NLGN1: variants seen among roughly 807,000 people sequenced by gnomAD.
NLGN1 encodes neuroligin-1.
In NLGN1, 12 loss-of-function variants were observed where a neutral mutation model predicts 65.5. The observed-to-expected ratio is 0.18, with a 90% CI of 0.12 to 0.30. The LOEUF (loss-of-function observed/expected upper bound fraction) is 0.30, where lower values mean the gene tolerates loss of function less well. Among genes scored for constraint, NLGN1 ranks in the 10% least tolerant of loss-of-function variants. The pLI is 1.00. For synonymous variants in NLGN1, 350 were observed against 359.5 expected (o/e 0.97, Z 0.30); for missense variants, 750 against 1,007.1 (o/e 0.74, Z 3.46).
intron 4 of NLGN1, among the ~76,000 whole-genome samples, chr3:173,941,347 A>T (rs1009093977): frequency 1.3e-5 from 2 of 152,096 alleles, no homozygotes; most frequent in African/African-American, 4.8e-5. Flanking sequence ...TGCTTAGCAG[A>T]GTCTTATCAA....
At chr3:173,710,890 G>T (rs1768840360) in intron 3 of NLGN1, among the ~76,000 whole-genome samples, 1 of 152,150 alleles carries the variant, frequency 6.6e-6, no homozygotes, top group Non-Finnish European at 1.5e-5. Flanking sequence ...GGTGACCTGG[G>T]AGTGCATGCT....
chr3:174,119,788 A>G (rs1049609987), intron 4 of NLGN1, among the ~76,000 whole-genome samples: 6 of 152,230 alleles, frequency 3.9e-5, no homozygotes, highest in Admixed American at 3.9e-4. Flanking sequence ...AGTACATCTT[A>G]ATATGTGTTC....
chr3:173,673,970 T>A (rs960679658), intron 3 of NLGN1, among the ~76,000 whole-genome samples: 1 of 152,120 alleles, frequency 6.6e-6, no homozygotes, highest in Non-Finnish European at 1.5e-5. Context: ...GTACGCCCTG[T>A]GTAAATGAAG....
At chr3:174,260,800 G>T (rs1382943087) in intron 4 of NLGN1, among the ~76,000 whole-genome samples, 3 of 150,684 alleles carry the variant, frequency 2.0e-5, no homozygotes, top group Non-Finnish European at 2.9e-5. Flanking sequence ...TTTTCTTCTA[G>T]GGTTTTTATG....
At chr3:173,660,349 C>T (rs981219726) in intron 3 of NLGN1, among the ~76,000 whole-genome samples, 13 of 137,940 alleles carry the variant, frequency 9.4e-5, no homozygotes, top group African/African-American at 3.6e-4. Flanking sequence ...ATGGACCAAT[C>T]ATCTCCTTAT....
intron 4 of NLGN1, among the ~76,000 whole-genome samples, chr3:173,854,878 A>G (rs1208169694): frequency 6.6e-6 from 1 of 152,142 alleles, no homozygotes; most frequent in African/African-American, 2.4e-5. Context: ...AGTTGAACAA[A>G]AAGTGCCAGT....
intron 1 of NLGN1, among the ~76,000 whole-genome samples, chr3:173,430,442 A>G (rs2067487751): frequency 6.6e-6 from 1 of 152,174 alleles, no homozygotes; most frequent in Non-Finnish European, 1.5e-5. Flanking sequence ...GAATTGTCTG[A>G]TATTTCTTCA....
At chr3:174,066,564 C>CTCTCTCTCTCTCTGTGTGTG (rs1553925385) in intron 4 of NLGN1, among the ~76,000 whole-genome samples, 1 of 100,052 alleles carries the variant, frequency 1.0e-5, no homozygotes, top group Non-Finnish European at 1.9e-5. Flanking sequence ...CTCTCTCTCT[C>CTCTCTCTCTCTCTGTGTGTG]TGTGTGTGTG....
intron 4 of NLGN1, among the ~76,000 whole-genome samples, chr3:174,052,880 C>T (rs918038735): frequency 1.3e-5 from 2 of 151,992 alleles, no homozygotes; most frequent in African/African-American, 4.8e-5. Flanking sequence ...TACAAAGCCA[C>T]CTGCTTTGTG....
chr3:173,619,553 T>C (rs1258827377), intron 3 of NLGN1, among the ~76,000 whole-genome samples: 1 of 152,182 alleles, frequency 6.6e-6, no homozygotes, highest in African/African-American at 2.4e-5. Flanking sequence ...AAGCATTGTT[T>C]TAATGGCTTT....
At chr3:174,100,250 T>C (rs1396952581) in intron 4 of NLGN1, among the ~76,000 whole-genome samples, 1 of 151,800 alleles carries the variant, frequency 6.6e-6, no homozygotes, top group African/African-American at 2.4e-5. Context: ...GCTTGAAATT[T>C]TGCATGTATC....
intron 4 of NLGN1, among the ~76,000 whole-genome samples, chr3:173,934,014 C>G (rs933457929): frequency 2.0e-5 from 3 of 151,622 alleles, no homozygotes; most frequent in African/African-American, 7.3e-5. Flanking sequence ...CTAAATGATA[C>G]ACAGTGCTAT....
intron 4 of NLGN1, among the ~76,000 whole-genome samples, chr3:173,960,550 G>A (rs993693850): frequency 2.0e-5 from 3 of 151,764 alleles, no homozygotes; most frequent in Non-Finnish European, 2.9e-5. Flanking sequence ...GGCTTAAGAC[G>A]TATCTACCAT....
At chr3:174,146,523 T>C (rs183606416) in intron 4 of NLGN1, among the ~76,000 whole-genome samples, 2 of 152,282 alleles carry the variant, frequency 1.3e-5, no homozygotes, top group Non-Finnish European at 2.9e-5. Context: ...TTTTAAATGT[T>C]TAAAGATCAT....
intron 3 of NLGN1, among the ~76,000 whole-genome samples, chr3:173,606,341 G>A (rs1425361964): frequency 6.6e-6 from 1 of 152,042 alleles, no homozygotes; most frequent in East Asian, 1.9e-4. Context: ...CTGCAAGCTT[G>A]CATCTGAATG....
intron 3 of NLGN1, among the ~76,000 whole-genome samples, chr3:173,779,364 A>G (rs1466325243): frequency 6.6e-6 from 1 of 152,004 alleles, no homozygotes; most frequent in Non-Finnish European, 1.5e-5. Flanking sequence ...TTATTTTTAT[A>G]TCAGATGATA....
chr3:174,119,555 A>G (rs1717302321), intron 4 of NLGN1, among the ~76,000 whole-genome samples: 1 of 152,178 alleles, frequency 6.6e-6, no homozygotes, highest in African/African-American at 2.4e-5. Context: ...CTATGGACTT[A>G]CATTGGGGTT....
In NLGN1 at chr3:174,203,339, G is replaced by A. The variant is rs113074154; in HGVS notation, c.647-71976G>A. Among the ~76,000 whole-genome samples the A allele has an allele frequency of 5.6e-3, 852 of 152,320 alleles. 6 individuals carry two copies. The highest frequency in any genetic ancestry group is 0.019 in the African/African-American group (798 of 41,572). On this transcript the variant is annotated intron_variant, in intron 4 of 6. Transcript: ENST00000457714. ...GTCCACTTCACCGTGCACAGAGGAA[G>A]TGTATTCGTGCACAGAGGAAGTATT...
intron 1 of NLGN1, among the ~76,000 whole-genome samples, chr3:173,400,729 C>A (rs548792450): frequency 6.6e-6 from 1 of 152,252 alleles, no homozygotes; most frequent in South Asian, 2.1e-4. Context: ...TCTCACTGCA[C>A]AGTGAATTGC....
Sources: gnomAD v4.1 joint callset for allele counts (sites outside exome capture counted in the v4.1 genomes callset) on GRCh38, gnomAD v4.1.1 for gene constraint, MANE v1.5 for transcripts, NCBI Gene and HGNC (gene_info 2026-07-23, HGNC 2026-07-21) for gene names.